The following MAP7D2 variants were observed in gnomAD, a reference collection of about 807,000 sequenced individuals.
The protein encoded by MAP7D2 is MAP7 domain-containing protein 2.
In MAP7D2, 33 loss-of-function variants were observed where a neutral mutation model predicts 63.5. The ratio of observed to expected loss-of-function variants is 0.52; its 90% CI spans 0.39 to 0.70. The LOEUF (loss-of-function observed/expected upper bound fraction) is 0.70. MAP7D2 is among the 30% of genes least tolerant of loss of function. MAP7D2 has a pLI of 0.00. For missense variants in MAP7D2, 626 were observed against 604.0 expected (o/e 1.04, Z -0.38); for synonymous variants, 224 against 223.7 (o/e 1.00, Z -0.01).
intron 1 of MAP7D2, among the ~76,000 whole-genome samples, chrX:20,087,308 G>C (rs759174821): frequency 8.9e-6 from 1 of 111,960 alleles, no homozygotes; most frequent in South Asian, 3.8e-4. Context: ...GTGGTAATGA[G>C]AGTTCTTGCT....
At chrX:20,055,921 A>G in intron 4 of MAP7D2, 1 of 402,001 alleles carries the variant, frequency 2.5e-6, no homozygotes, top group South Asian at 2.9e-5. Context: ...GGAAATTAGA[A>G]AAAGTAACTG....
At chrX:20,106,881 C>A (rs767737180) in intron 1 of MAP7D2, among the ~76,000 whole-genome samples, 1 of 110,093 alleles carries the variant, frequency 9.1e-6, no homozygotes, top group South Asian at 3.9e-4. Context: ...TACTTGGGAG[C>A]TGAGGTGGGA....
At chrX:20,069,734 T>C (rs2065450998) in intron 1 of MAP7D2, among the ~76,000 whole-genome samples, 1 of 109,568 alleles carries the variant, frequency 9.1e-6, no homozygotes, top group Non-Finnish European at 1.9e-5. Context: ...ATACTACCAC[T>C]GGGGGAAACC....
rs2073032875 is a variant in MAP7D2, at chrX:20,007,009, T to C, written c.*1416A>G. The C allele has an allele frequency of 8.9e-6, 1 of 112,056 alleles. No homozygotes were observed. Among genetic ancestry groups the C allele is most frequent in the African/African-American group, 3.2e-5 (1 of 30,797 alleles). The allele number at this position is 112,056 out of a possible 1,213,427, so 9.2% of individuals were successfully genotyped here. ...TAGCAAAATAAGGTTCCAGGAAAGA[T>C]GAGAGGCATTTTCTGAAAGCCAGAC... On this transcript the variant is annotated 3_prime_UTR_variant, in exon 17 of 17. Coordinates refer to ENST00000379643, the MANE Select transcript of MAP7D2 (RefSeq NM_001168465.2).
chrX:20,039,275 G>A (rs1468166716), intron 8 of MAP7D2, among the ~76,000 whole-genome samples: 1 of 112,475 alleles, frequency 8.9e-6, no homozygotes, highest in Non-Finnish European at 1.9e-5. Flanking sequence ...GTGGACCCAT[G>A]GAATGCCTTA....
chrX:20,102,955 G>C (rs1334932122), intron 1 of MAP7D2, among the ~76,000 whole-genome samples: 1 of 111,371 alleles, frequency 9.0e-6, no homozygotes, highest in Non-Finnish European at 1.9e-5. Context: ...AAGCAACTGA[G>C]TTCTAGGGGC....
At chrX:20,075,464 A>G (rs1284892185) in intron 1 of MAP7D2, among the ~76,000 whole-genome samples, 3 of 110,135 alleles carry the variant, frequency 2.7e-5, no homozygotes, top group Non-Finnish European at 5.7e-5. Context: ...TAAAAGAGAG[A>G]AGGAAGTGAA....
intron 1 of MAP7D2, among the ~76,000 whole-genome samples, chrX:20,077,141 C>T (rs760886010): frequency 4.5e-5 from 5 of 112,073 alleles, no homozygotes; most frequent in South Asian, 3.7e-4. Flanking sequence ...CCTCTACACA[C>T]GGTTATCAGA....
intron 6 of MAP7D2, among the ~76,000 whole-genome samples, chrX:20,045,442 G>A (rs1264945096): frequency 2.9e-5 from 3 of 101,818 alleles, no homozygotes; most frequent in East Asian, 6.2e-4. Flanking sequence ...CAGGAGGATC[G>A]CTTGAGCCTG....
At chrX:20,059,536 G>A (rs1055198982) in intron 3 of MAP7D2, among the ~76,000 whole-genome samples, 1 of 108,797 alleles carries the variant, frequency 9.2e-6, no homozygotes, top group African/African-American at 3.4e-5. Flanking sequence ...GAAAGGGCAA[G>A]GCAAATCCTC....
intron 2 of MAP7D2, among the ~76,000 whole-genome samples, chrX:20,063,871 G>GT (rs1233359494): frequency 8.9e-6 from 1 of 112,478 alleles, no homozygotes; most frequent in Admixed American, 9.4e-5. Flanking sequence ...GAAGTTCACA[G>GT]TAAGTGCCTC....
chrX:20,115,943 C>T (rs184694806), intron 1 of MAP7D2, among the ~76,000 whole-genome samples: 3 of 112,861 alleles, frequency 2.7e-5, no homozygotes, highest in African/African-American at 9.6e-5. Context: ...GCTGCTTACA[C>T]CCCCGCACTA....
intron 8 of MAP7D2, among the ~76,000 whole-genome samples, chrX:20,038,950 C>T (rs2064572644): frequency 8.9e-6 from 1 of 112,058 alleles, no homozygotes; most frequent in Non-Finnish European, 1.9e-5. Context: ...CAATGGAAAA[C>T]TACAAGAGCC....
intron 6 of MAP7D2, among the ~76,000 whole-genome samples, chrX:20,044,940 T>C (rs181207952): frequency 3.6e-5 from 4 of 111,805 alleles, no homozygotes; most frequent in African/African-American, 9.7e-5. Flanking sequence ...TTCCCACCAT[T>C]AACTGATGGG....
chrX:20,082,221 G>A (rs2065794640), intron 1 of MAP7D2, among the ~76,000 whole-genome samples: 1 of 111,806 alleles, frequency 8.9e-6, no homozygotes, highest in African/African-American at 3.2e-5. Flanking sequence ...TAAATAAAGG[G>A]GCTAGGAAAA....
chrX:20,059,613 AGGAAGGAAGGAAGGGT>A (rs2065148557), intron 3 of MAP7D2, among the ~76,000 whole-genome samples: 2 of 102,669 alleles, frequency 1.9e-5, no homozygotes, highest in Non-Finnish European at 2.0e-5. Context: ...GAAGGAAGGA[AGGAAGGAAGGAAGGGT>A]GGAAGGAAGG....
At chrX:20,070,041 C>T (rs367546191) in intron 1 of MAP7D2, among the ~76,000 whole-genome samples, 16 of 111,408 alleles carry the variant, frequency 1.4e-4, no homozygotes, top group East Asian at 1.1e-3. Context: ...CTCCGCCTCC[C>T]GGGCTCAAGC....
Position 20,019,166 on chromosome X carries a change from C to T in MAP7D2, c.1413-2841G>A, listed in dbSNP as rs757518669. Among the ~76,000 whole-genome samples, 11 of 111,065 alleles carry T rather than the reference C, an allele frequency of 9.9e-5. No individual in the cohort carries two copies. In the South Asian group the frequency reaches 1.5e-3, roughly 16 times the overall value. ...CTCAGCTCCCAAGTAGCCAGGACCA[C>T]GGGTGAGTGCCACCATGCCTGGATC... On this transcript the variant is annotated intron_variant, in intron 10 of 16. Transcript: ENST00000379643.
chrX:20,102,783 G>A (rs764405493), intron 1 of MAP7D2, among the ~76,000 whole-genome samples: 1 of 105,995 alleles, frequency 9.4e-6, no homozygotes, highest in African/African-American at 3.4e-5. Context: ...GGGGTGGGGG[G>A]GAGTCGTTCT....
Sources: gnomAD v4.1 joint callset for allele counts (sites outside exome capture counted in the v4.1 genomes callset) on GRCh38, gnomAD v4.1.1 for gene constraint, MANE v1.5 for transcripts, NCBI Gene and HGNC (gene_info 2026-07-23, HGNC 2026-07-21) for gene names.